Variants in TIMP3 observed in about 807,000 individuals in gnomAD.
TIMP3 encodes the protein metalloproteinase inhibitor 3.
Under a neutral mutation model 30.0 loss-of-function variants are expected in TIMP3, and 11 were observed. That is an observed-to-expected ratio of 0.37 (90% CI 0.23 to 0.61). The LOEUF is 0.61. Ranked by LOEUF, TIMP3 falls within the 20% of genes least tolerant of loss-of-function variation. The pLI is 0.70. For synonymous variants in TIMP3, 112 were observed against 111.3 expected, an observed-to-expected ratio of 1.01 and a Z score of -0.04; for missense variants, 181 against 276.8, an observed-to-expected ratio of 0.65 and a Z score of 2.45.
At chr22:32,858,725 A>C (rs1259187594) in intron 4 of TIMP3, among the ~76,000 whole-genome samples, 1 of 152,186 alleles carries the variant, frequency 6.6e-6, no homozygotes, top group Non-Finnish European at 1.5e-5. Context: ...TCTGCAGATG[A>C]GAGCTCAGAG....
At chr22:32,856,516 T>C (rs2048370499) in intron 2 of TIMP3, among the ~76,000 whole-genome samples, 1 of 152,210 alleles carries the variant, frequency 6.6e-6, no homozygotes, top group African/African-American at 2.4e-5. Context: ...ACTCCTCTCC[T>C]GTGTTCCTCT....
At chr22:32,806,772 A>T (rs935011387) in intron 1 of TIMP3, among the ~76,000 whole-genome samples, 1 of 147,800 alleles carries the variant, frequency 6.8e-6, no homozygotes, top group African/African-American at 2.4e-5. Context: ...ATCCATTTCT[A>T]TTTATCATTT....
At chr22:32,803,205 GCC>G (rs2046638084) in intron 1 of TIMP3, among the ~76,000 whole-genome samples, 1 of 152,102 alleles carries the variant, frequency 6.6e-6, no homozygotes, top group Admixed American at 6.5e-5. Context: ...CAGCCTTGCC[GCC>G]CTCTGCCTGT....
intron 1 of TIMP3, among the ~76,000 whole-genome samples, chr22:32,818,340 TG>T (rs34603995): frequency 1.3e-5 from 2 of 152,146 alleles, no homozygotes; most frequent in East Asian, 3.9e-4. Context: ...ACATTTAGAA[TG>T]GGGGAGTCTT....
At chr22:32,833,151 C>T (rs181421086) in intron 1 of TIMP3, among the ~76,000 whole-genome samples, 66 of 152,286 alleles carry the variant, frequency 4.3e-4, no homozygotes, top group African/African-American at 1.5e-3. Flanking sequence ...AACTCTCAAC[C>T]TTGTATACTG....
chr22:32,850,573 G>A lies in TIMP3; in HGVS notation c.204+1039G>A, dbSNP rs118108627. On this transcript the variant is annotated intron_variant, in intron 2 of 4. Transcript: ENST00000266085. The stretch of plus-strand genomic sequence containing the variant: ...TAGGAGCCAGGGAGGCCGTGAGGGA[G>A]ATACAGTTTCCATCTTTAGGAACTA... Among the ~76,000 whole-genome samples, 447 of 152,268 alleles carry A rather than the reference G, an allele frequency of 2.9e-3. 3 individuals carry two copies. The highest frequency in any genetic ancestry group is 6.8e-3 in the Middle Eastern group (2 of 294).
At chr22:32,842,305 T>C (rs1601516368) in intron 1 of TIMP3, among the ~76,000 whole-genome samples, 1 of 152,158 alleles carries the variant, frequency 6.6e-6, no homozygotes, top group African/African-American at 2.4e-5. Flanking sequence ...TGGTGATCAA[T>C]AGGCTGGGAA....
At chr22:32,804,477 G>A (rs1392411013) in intron 1 of TIMP3, among the ~76,000 whole-genome samples, 1 of 152,190 alleles carries the variant, frequency 6.6e-6, no homozygotes, top group Admixed American at 6.5e-5. Flanking sequence ...GCCCCCTAAA[G>A]GTGTTCACAT....
At chr22:32,858,163 A>G in intron 4 of TIMP3, 25 bp downstream of exon 4, 1 of 1,611,094 alleles carries the variant, frequency 6.2e-7, no homozygotes, top group Non-Finnish European at 8.5e-7. Context: ...CACTGGGGGA[A>G]GGAGGGGAGG....
chr22:32,830,381 G>T (rs919621476), intron 1 of TIMP3, among the ~76,000 whole-genome samples: 1 of 152,128 alleles, frequency 6.6e-6, no homozygotes, highest in African/African-American at 2.4e-5. Context: ...AAGCTGAAAA[G>T]AAGTTACATG....
intron 1 of TIMP3, among the ~76,000 whole-genome samples, chr22:32,846,669 T>C (rs1163285360): frequency 6.6e-6 from 1 of 152,188 alleles, no homozygotes; most frequent in Non-Finnish European, 1.5e-5. Flanking sequence ...GAACCCTGGC[T>C]CTCAGGCTCC....
At chr22:32,846,279 T>C (rs1015213247) in intron 1 of TIMP3, among the ~76,000 whole-genome samples, 23 of 152,206 alleles carry the variant, frequency 1.5e-4, no homozygotes, top group African/African-American at 5.1e-4. Context: ...ATACTTGTTC[T>C]GACTACTTCA....
At chr22:32,849,557 C>T (rs746365074) in intron 2 of TIMP3, 23 bp downstream of exon 2, 9 of 1,607,338 alleles carry the variant, frequency 5.6e-6, no homozygotes, top group Non-Finnish European at 7.7e-6. Flanking sequence ...ATCACCCTGG[C>T]TCCGGGAAGG....
chr22:32,848,659 T>C (rs1004945200), intron 1 of TIMP3, among the ~76,000 whole-genome samples: 1 of 152,236 alleles, frequency 6.6e-6, no homozygotes, highest in African/African-American at 2.4e-5. Flanking sequence ...ATCAAGAGTT[T>C]CACATTTGTC....
chr22:32,848,864 T>TA (rs1163951648), intron 1 of TIMP3, among the ~76,000 whole-genome samples: 1 of 150,714 alleles, frequency 6.6e-6, no homozygotes, highest in Non-Finnish European at 1.5e-5. Context: ...CACATCCCCA[T>TA]AGAGCTCAGA....
In TIMP3 at chr22:32,859,588, T is replaced by A; in HGVS notation, c.*211T>A. ...CTGCCCCTTCTTTTTGGTTTTGACATCATTCATTTCCACCTGGGAATTTCT... is the reference window on the plus strand; with the variant it reads ...CTGCCCCTTCTTTTTGGTTTTGACAACATTCATTTCCACCTGGGAATTTCT... On this transcript the variant is annotated 3_prime_UTR_variant, in exon 5 of 5. Coordinates refer to ENST00000266085, the MANE Select transcript of TIMP3 (RefSeq NM_000362.5). 1 of 605,364 alleles carries A rather than the reference T, an allele frequency of 1.7e-6. No homozygotes were observed. Among genetic ancestry groups the A allele is most frequent in the Non-Finnish European group, 2.8e-6 (1 of 357,866 alleles). The allele number at this position is 605,364 out of a possible 1,614,324, so 37.5% of individuals were successfully genotyped here.
chr22:32,857,504 C>T, intron 3 of TIMP3, 144 bp downstream of exon 3: 3 of 732,082 alleles, frequency 4.1e-6, no homozygotes, highest in Non-Finnish European at 7.3e-6. Context: ...ATCCCACTTA[C>T]CCAGTGCTAG....
At chr22:32,835,840 T>C (rs1292058100) in intron 1 of TIMP3, among the ~76,000 whole-genome samples, 4 of 152,194 alleles carry the variant, frequency 2.6e-5, no homozygotes, top group Non-Finnish European at 5.9e-5. Context: ...AAGTGGAGAT[T>C]TGAATCCAGA....
chr22:32,828,001 T>A (rs972339169), intron 1 of TIMP3, among the ~76,000 whole-genome samples: 1 of 152,182 alleles, frequency 6.6e-6, no homozygotes, highest in African/African-American at 2.4e-5. Context: ...CTTTGCCTCC[T>A]AGCACCTGCC....
Sources: allele counts gnomAD v4.1 joint callset (sites outside exome capture counted in the v4.1 genomes callset), GRCh38; gene constraint gnomAD v4.1.1; transcripts MANE v1.5; gene names NCBI Gene and HGNC (gene_info 2026-07-23, HGNC 2026-07-21).